Variants in TGFBR2 observed in about 807,000 individuals in gnomAD.
The protein encoded by TGFBR2 is TGF-beta receptor type-2.
Under a neutral mutation model 49.0 loss-of-function variants are expected in TGFBR2, and 18 were observed. The ratio of observed to expected loss-of-function variants is 0.37; its 90% CI spans 0.25 to 0.54. The LOEUF (loss-of-function observed/expected upper bound fraction) is 0.54, where lower values mean the gene tolerates loss of function less well. Among genes scored for constraint, TGFBR2 ranks in the 20% least tolerant of loss-of-function variants. The pLI, the probability that TGFBR2 is intolerant of heterozygous loss-of-function variation, is 0.85. For synonymous variants in TGFBR2, 282 were observed against 275.9 expected, an observed-to-expected ratio of 1.02 and a Z score of -0.22; for missense variants, 525 against 722.6, an observed-to-expected ratio of 0.73 and a Z score of 3.13.
At chr3:30,656,595 G>T (rs1305610120) in intron 3 of TGFBR2, among the ~76,000 whole-genome samples, 12 of 152,178 alleles carry the variant, frequency 7.9e-5, no homozygotes, top group Admixed American at 6.5e-5. Flanking sequence ...GTCTGCTGAA[G>T]GTGGGTACGT....
At chr3:30,609,330 G>A (rs528878089) in intron 1 of TGFBR2, among the ~76,000 whole-genome samples, 2 of 152,166 alleles carry the variant, frequency 1.3e-5, no homozygotes, top group South Asian at 2.1e-4. Context: ...AACGTAATTG[G>A]TAAACTGAAA....
chr3:30,639,863 A>G (rs1334630895), intron 1 of TGFBR2, among the ~76,000 whole-genome samples: 1 of 152,234 alleles, frequency 6.6e-6, no homozygotes, highest in Non-Finnish European at 1.5e-5. Context: ...GTTTATGGTT[A>G]TTGTTAAACC....
At chr3:30,675,393 C>CTTT (rs5847637) in intron 5 of TGFBR2, among the ~76,000 whole-genome samples, 165 of 145,214 alleles carry the variant, frequency 1.1e-3, no homozygotes, top group African/African-American at 2.6e-3. Context: ...TAACTCCACC[C>CTTT]TTTTTTTTTT....
intron 1 of TGFBR2, among the ~76,000 whole-genome samples, chr3:30,630,156 A>G (rs1698410096): frequency 6.6e-6 from 1 of 152,226 alleles, no homozygotes; most frequent in Admixed American, 6.5e-5. Context: ...ACTATGAAAC[A>G]TAGTCAAAAT....
At chr3:30,643,603 A>G (rs985654893) in intron 1 of TGFBR2, among the ~76,000 whole-genome samples, 1 of 152,200 alleles carries the variant, frequency 6.6e-6, no homozygotes, top group Non-Finnish European at 1.5e-5. Context: ...CCTATCCTAC[A>G]TGGCATCAAG....
chr3:30,678,868 A>C (rs1020879775), intron 5 of TGFBR2, among the ~76,000 whole-genome samples: 2 of 152,332 alleles, frequency 1.3e-5, no homozygotes, highest in Non-Finnish European at 2.9e-5. Flanking sequence ...GGATGTTAAC[A>C]TTACAGTACT....
rs371641586 is a variant in TGFBR2, at chr3:30,613,958, T to A, written c.94+6981T>A. ...ATGTTGGGTAGAAATAAGTTTTGGT[T>A]AATTGTACCATTTTTTCCCTGGAAT... On this transcript the variant is annotated intron_variant, in intron 1 of 6. Coordinates refer to ENST00000295754, the MANE Select transcript of TGFBR2 (RefSeq NM_003242.6). Among the ~76,000 whole-genome samples the A allele has an allele frequency of 7.2e-5, 11 of 152,294 alleles. 1 individual carries two copies. In the East Asian group the frequency reaches 1.7e-3, roughly 24 times the overall value.
intron 1 of TGFBR2, chr3:30,623,320 C>A: frequency 6.3e-7 from 1 of 1,599,626 alleles, no homozygotes; most frequent in South Asian, 1.1e-5. Flanking sequence ...TATTTTTAGT[C>A]ATGCTCCCTC....
At chr3:30,662,798 A>C (rs1699159042) in intron 3 of TGFBR2, among the ~76,000 whole-genome samples, 1 of 152,208 alleles carries the variant, frequency 6.6e-6, no homozygotes, top group Non-Finnish European at 1.5e-5. Flanking sequence ...AGAGCTTTGC[A>C]AACAATTCCA....
At chr3:30,616,144 AT>A (rs1698128457) in intron 1 of TGFBR2, among the ~76,000 whole-genome samples, 1 of 152,100 alleles carries the variant, frequency 6.6e-6, no homozygotes, top group African/African-American at 2.4e-5. Flanking sequence ...TGCCCCTGAA[AT>A]TTACAAGCTT....
At chr3:30,609,053 C>T (rs897383893) in intron 1 of TGFBR2, among the ~76,000 whole-genome samples, 1 of 152,186 alleles carries the variant, frequency 6.6e-6, no homozygotes, top group Admixed American at 6.5e-5. Flanking sequence ...CATCAATATA[C>T]ACACTTTTAA....
intron 1 of TGFBR2, among the ~76,000 whole-genome samples, chr3:30,619,213 T>G (rs1380310103): frequency 1.3e-5 from 2 of 152,252 alleles, no homozygotes; most frequent in Non-Finnish European, 2.9e-5. Context: ...CATTTGGTTT[T>G]ATTTTTGCCC....
chr3:30,619,976 A>G (rs1359707589), intron 1 of TGFBR2, among the ~76,000 whole-genome samples: 1 of 152,144 alleles, frequency 6.6e-6, no homozygotes, highest in African/African-American at 2.4e-5. Context: ...TCACGAAGTC[A>G]GGAGATCGAG....
intron 3 of TGFBR2, among the ~76,000 whole-genome samples, chr3:30,659,819 G>A (rs1286274595): frequency 4.6e-5 from 7 of 151,864 alleles, no homozygotes; most frequent in Admixed American, 1.3e-4. Context: ...CCACACCCAT[G>A]AGTAATGGCA....
chr3:30,644,894 AG>A lies in TGFBR2; in HGVS notation c.244del (p.Glu82LysfsTer14), dbSNP rs751024495. ...CSITSICEKP[Q>X]EVCVAVWRKN... ...ATCACCTCCATCTGTGAGAAGCCACAGGAAGTCTGTGTGGCTGTATGGTAAG... is the reference window on the plus strand; with the variant it reads ...ATCACCTCCATCTGTGAGAAGCCACAGAAGTCTGTGTGGCTGTATGGTAAG... On this transcript the variant is annotated frameshift_variant, in exon 2 of 7. Coordinates refer to ENST00000295754, the MANE Select transcript of TGFBR2 (RefSeq NM_003242.6). LOFTEE classifies it high-confidence loss of function. 7 of 1,614,174 alleles carry A rather than the reference AG, an allele frequency of 4.3e-6. No homozygotes were observed. The highest frequency in any genetic ancestry group is 5.9e-6 in the Non-Finnish European group (7 of 1,180,004).
intron 5 of TGFBR2, among the ~76,000 whole-genome samples, chr3:30,674,738 T>G (rs537813675): frequency 1.3e-5 from 2 of 152,298 alleles, no homozygotes; most frequent in African/African-American, 4.8e-5. Context: ...TTGTTTAGGT[T>G]TTGAAAATTC....
At position 30,672,080 on chromosome 3, in the gene TGFBR2, G is replaced by A. The variant is rs1699350239; in HGVS notation, c.897G>A (p.Leu299=). 3 of 1,614,218 alleles carry A rather than the reference G, an allele frequency of 1.9e-6. No individual in the cohort carries two copies. Among genetic ancestry groups the A allele is most frequent in the Non-Finnish European group, 2.5e-6 (3 of 1,180,024 alleles). Reference sequence around the variant, plus strand: ...AGGACATCTTCTCAGACATCAATCTGAAGCATGAGAACATACTCCAGTTCC... The same window carrying A: ...AGGACATCTTCTCAGACATCAATCTAAAGCATGAGAACATACTCCAGTTCC... ...TEKDIFSDIN[L]KHENILQFLT... is the part of the protein sequence containing the mutation. Residue 299 remains leucine, a synonymous_variant, in exon 4 of 7, where the codon CTG becomes CTA. Transcript: ENST00000295754. The surrounding 1 kb of genome is among the most constrained non-coding windows in gnomAD (Gnocchi z 4.5).
At chr3:30,652,150 A>G (rs1698902068) in intron 3 of TGFBR2, among the ~76,000 whole-genome samples, 2 of 151,606 alleles carry the variant, frequency 1.3e-5, no homozygotes, top group Admixed American at 1.3e-4. Flanking sequence ...TGTCAGGGCA[A>G]CGCTTTCCAG....
Position 30,653,650 on chromosome 3 carries a change from C to T in TGFBR2, c.454+3190C>T, listed in dbSNP as rs1478505311. ...CATTGTGGCTGTATTATTAGTAGTA[C>T]AGTACTCTTGTTGGCAAGTTCCTGA... On this transcript the variant is annotated intron_variant, in intron 3 of 6. Transcript: ENST00000295754. Among the ~76,000 whole-genome samples, 6 of 152,130 alleles carry T rather than the reference C, an allele frequency of 3.9e-5. No homozygotes were observed. In the East Asian group the frequency reaches 9.6e-4, roughly 24 times the overall value.
Sources: allele counts gnomAD v4.1 joint callset (sites outside exome capture counted in the v4.1 genomes callset), GRCh38; gene constraint gnomAD v4.1.1; non-coding constraint Gnocchi (gnomAD v3.1); transcripts MANE v1.5; gene names NCBI Gene and HGNC (gene_info 2026-07-23, HGNC 2026-07-21).